BNC2: variants seen among roughly 807,000 people sequenced by gnomAD.
BNC2 encodes zinc finger protein basonuclin-2.
Under a neutral mutation model 76.3 loss-of-function variants are expected in BNC2, and 20 were observed. The observed-to-expected ratio is 0.26, with a 90% CI of 0.18 to 0.38. BNC2 has a LOEUF of 0.38. BNC2 is among the 10% of genes least tolerant of loss of function. The probability of loss-of-function intolerance (pLI) is 1.00; values close to 1 mark genes in which losing one functional copy is unlikely to be tolerated. For synonymous variants in BNC2, 582 were observed against 514.8 expected (o/e 1.13, Z -1.77); for missense variants, 1,382 against 1,399.8 (o/e 0.99, Z 0.20).
intron 4 of BNC2, among the ~76,000 whole-genome samples, chr9:16,565,979 A>T (rs1819154997): frequency 6.6e-6 from 1 of 152,204 alleles, no homozygotes; most frequent in African/African-American, 2.4e-5. Flanking sequence ...CAGAGAGATA[A>T]GCGAGGTTCC....
chr9:16,581,336 G>A (rs1187409519), intron 4 of BNC2, among the ~76,000 whole-genome samples: 1 of 152,182 alleles, frequency 6.6e-6, no homozygotes, highest in African/African-American at 2.4e-5. Flanking sequence ...GAGGCTGGCA[G>A]ATCATGAGGT....
chr9:16,430,361 G>A (rs917831195), intron 6 of BNC2, among the ~76,000 whole-genome samples: 4 of 152,124 alleles, frequency 2.6e-5, no homozygotes, highest in Admixed American at 6.5e-5. Flanking sequence ...TTACCACATC[G>A]TATTTGACAG....
chr9:16,506,137 T>C (rs1363390848), intron 5 of BNC2, among the ~76,000 whole-genome samples: 2 of 152,142 alleles, frequency 1.3e-5, no homozygotes, highest in Non-Finnish European at 2.9e-5. Context: ...TGGATGGAAA[T>C]TGTAGAAAAG....
intron 3 of BNC2, among the ~76,000 whole-genome samples, chr9:16,612,133 T>C (rs895010869): frequency 7.9e-5 from 12 of 151,396 alleles, no homozygotes; most frequent in African/African-American, 2.7e-4. Context: ...CAAAGTGTTA[T>C]ATGCAATAAA....
chr9:16,416,337 C>T lies in BNC2; in HGVS notation c.*2652G>A, dbSNP rs1183311408. On this transcript the variant is annotated 3_prime_UTR_variant, in exon 7 of 7. Transcript: ENST00000380672. Reference sequence around the variant, plus strand: ...GGGATATTAAAAATCTTTTCCCACCCTTTTTGAATCTAACCATTTGGTAAT... The same window carrying T: ...GGGATATTAAAAATCTTTTCCCACCTTTTTTGAATCTAACCATTTGGTAAT... The T allele has an allele frequency of 6.6e-6, 1 of 152,566 alleles. No homozygotes were observed. Among genetic ancestry groups the T allele is most frequent in the African/African-American group, 2.4e-5 (1 of 41,426 alleles). 9.5% of individuals were successfully genotyped at this position (152,566 alleles called of 1,614,324 possible). A position where few individuals can be genotyped will look rare whatever the true frequency, so the allele number is the denominator to read the frequency against.
chr9:16,748,863 A>C (rs1436628089), intron 1 of BNC2, among the ~76,000 whole-genome samples: 2 of 122,340 alleles, frequency 1.6e-5, no homozygotes, highest in Non-Finnish European at 3.6e-5. Flanking sequence ...AAAAAAAAAA[A>C]AGCAATGGAC....
At chr9:16,851,126 C>G (rs183699896) in intron 1 of BNC2, among the ~76,000 whole-genome samples, 1 of 152,100 alleles carries the variant, frequency 6.6e-6, no homozygotes, top group East Asian at 1.9e-4. Context: ...GTAATTATTT[C>G]AATGCTTCAT....
At chr9:16,713,181 A>G (rs1037379771) in intron 3 of BNC2, among the ~76,000 whole-genome samples, 5 of 152,190 alleles carry the variant, frequency 3.3e-5, no homozygotes, top group African/African-American at 1.2e-4. Context: ...AAGGACTGCA[A>G]TGGAAACCCA....
intron 3 of BNC2, among the ~76,000 whole-genome samples, chr9:16,711,090 C>A (rs1484369633): frequency 6.6e-6 from 1 of 151,460 alleles, no homozygotes; most frequent in Non-Finnish European, 1.5e-5. Flanking sequence ...TTGAGCAGGG[C>A]TTCCTCCTCC....
chr9:16,555,790 C>T (rs1441988531), intron 4 of BNC2, among the ~76,000 whole-genome samples: 1 of 151,398 alleles, frequency 6.6e-6, no homozygotes, highest in Admixed American at 6.6e-5. Flanking sequence ...GAGTGAGACC[C>T]TGTCTCAAAA....
In BNC2 at chr9:16,660,696, C is replaced by G. The variant is rs79673154; in HGVS notation, c.330+67101G>C. Among the ~76,000 whole-genome samples the G allele has an allele frequency of 8.5e-5, 13 of 152,138 alleles. No homozygotes were observed. The East Asian group carries it at 2.3e-3, about 27-fold the overall frequency. ...CTGCTATACAATAGGCCCTCTGTAT[C>G]TGTGGGTTCTGCATCCATGAATTCA... On this transcript the variant is annotated intron_variant, in intron 3 of 6. Transcript: ENST00000380672.
At chr9:16,558,053 G>C (rs1818893248) in intron 4 of BNC2, among the ~76,000 whole-genome samples, 1 of 152,020 alleles carries the variant, frequency 6.6e-6, no homozygotes, top group Non-Finnish European at 1.5e-5. Context: ...TCCCCATGTT[G>C]TTCAGCCTGG....
At chr9:16,532,708 A>G (rs904026368) in intron 5 of BNC2, among the ~76,000 whole-genome samples, 8 of 152,238 alleles carry the variant, frequency 5.3e-5, no homozygotes, top group African/African-American at 1.9e-4. Flanking sequence ...TTTTACTATT[A>G]TCTATGTTCT....
chr9:16,459,225 C>T (rs1391427496), intron 5 of BNC2, among the ~76,000 whole-genome samples: 1 of 152,154 alleles, frequency 6.6e-6, no homozygotes, highest in Non-Finnish European at 1.5e-5. Context: ...CGTGCAATCA[C>T]GTTCTCCTAT....
At chr9:16,480,686 G>C (rs915415261) in intron 5 of BNC2, among the ~76,000 whole-genome samples, 2 of 152,226 alleles carry the variant, frequency 1.3e-5, no homozygotes, top group African/African-American at 4.8e-5. Context: ...GGGTCCCCCA[G>C]CAGTGCCAGC....
At chr9:16,724,501 C>T (rs1043495085) in intron 3 of BNC2, among the ~76,000 whole-genome samples, 18 of 152,050 alleles carry the variant, frequency 1.2e-4, no homozygotes, top group African/African-American at 4.1e-4. Context: ...CTCAAATACT[C>T]AGCTATATAC....
intron 3 of BNC2, among the ~76,000 whole-genome samples, chr9:16,721,808 T>C (rs1824164879): frequency 1.3e-5 from 2 of 152,104 alleles, no homozygotes; most frequent in Non-Finnish European, 2.9e-5. Flanking sequence ...CTGACAGCAC[T>C]CTGGGGGGAA....
chr9:16,785,187 T>A (rs1826253012), intron 1 of BNC2, among the ~76,000 whole-genome samples: 1 of 152,156 alleles, frequency 6.6e-6, no homozygotes, highest in Non-Finnish European at 1.5e-5. Context: ...GTGTCCACAT[T>A]TATGCTCTCA....
intron 3 of BNC2, among the ~76,000 whole-genome samples, chr9:16,597,545 C>T (rs766229136): frequency 6.6e-6 from 1 of 152,004 alleles, no homozygotes; most frequent in Non-Finnish European, 1.5e-5. Flanking sequence ...ACGCTGGCTG[C>T]CCTTTTGATG....
Sources: gnomAD v4.1 joint callset for allele counts (sites outside exome capture counted in the v4.1 genomes callset) on GRCh38, gnomAD v4.1.1 for gene constraint, MANE v1.5 for transcripts, NCBI Gene and HGNC (gene_info 2026-07-23, HGNC 2026-07-21) for gene names.